UCHL5: variants seen among roughly 807,000 people sequenced by gnomAD.
UCHL5 encodes ubiquitin C-terminal hydrolase L5.
Under a neutral mutation model 53.8 loss-of-function variants are expected in UCHL5, and 34 were observed. The ratio of observed to expected loss-of-function variants is 0.63; its 90% confidence interval spans 0.48 to 0.84. The LOEUF is 0.84. UCHL5 is among the 40% of genes least tolerant of loss of function. The pLI, the probability that UCHL5 is intolerant of heterozygous loss-of-function variation, is 0.00. For synonymous variants in UCHL5, 111 were observed against 126.3 expected (o/e 0.88, Z 0.81); for missense variants, 290 against 385.6 (o/e 0.75, Z 2.08).
intron 7 of UCHL5, among the ~76,000 whole-genome samples, chr1:193,026,664 G>A (rs1659358468): frequency 6.6e-6 from 1 of 151,132 alleles, no homozygotes; most frequent in East Asian, 1.9e-4. Context: ...AAATGGTACA[G>A]TCACTCTGGA....
rs1213401479 is a variant in UCHL5 at position 193,014,555 on chromosome 1, C to T, written c.*1796G>A. 6.6e-6 allele frequency: 1 copy of T among 152,048 alleles called. No homozygotes were observed. Among genetic ancestry groups the T allele is most frequent in the Non-Finnish European group, 1.5e-5 (1 of 67,972 alleles). The allele number at this position is 152,048 out of a possible 1,614,324, so 9.4% of individuals were successfully genotyped here. A position where few individuals can be genotyped will look rare whatever the true frequency, so the allele number is the denominator to read the frequency against. On this transcript the variant is annotated 3_prime_UTR_variant, in exon 11 of 11. Coordinates refer to ENST00000367454, the MANE Select transcript of UCHL5 (RefSeq NM_001199261.3). ...AAGTCACAAAAATATCATCTGTTTT[C>T]AGTTAAAAAGCTTCATACTTTTAAA...
At chr1:193,049,899 T>A (rs753365060) in intron 2 of UCHL5, 48 bp from the exon 3 acceptor site, 3 of 1,464,590 alleles carry the variant, frequency 2.0e-6, no homozygotes, top group Non-Finnish European at 2.8e-6. Flanking sequence ...GCTTCTTTCA[T>A]AATACATTGT....
intron 3 of UCHL5, among the ~76,000 whole-genome samples, chr1:193,047,204 A>G (rs1297920370): frequency 6.6e-6 from 1 of 152,204 alleles, no homozygotes; most frequent in Non-Finnish European, 1.5e-5. Flanking sequence ...TCTCTTGTTA[A>G]CCATTATATA....
chr1:193,026,881 CT>C (rs1659443300), intron 7 of UCHL5, among the ~76,000 whole-genome samples: 1 of 152,108 alleles, frequency 6.6e-6, no homozygotes, highest in Non-Finnish European at 1.5e-5. Context: ...AGGCAAAAAG[CT>C]GGTATATCCA....
In UCHL5 at chr1:193,012,893, A is replaced by G. The variant is rs1417261901; in HGVS notation, c.*3458T>C. Reference sequence around the variant, plus strand: ...AAAAGTTAATGTAATCAAGTCAAAAATAAAAAGTGCCCAGTATGCTAGAAG... The same window carrying G: ...AAAAGTTAATGTAATCAAGTCAAAAGTAAAAAGTGCCCAGTATGCTAGAAG... On this transcript the variant is annotated 3_prime_UTR_variant, in exon 11 of 11. Coordinates refer to ENST00000367454, the MANE Select transcript of UCHL5 (RefSeq NM_001199261.3). 6.6e-6 allele frequency: 1 copy of G among 152,234 alleles called. No individual in the cohort carries two copies. Among genetic ancestry groups the G allele is most frequent in the Non-Finnish European group, 1.5e-5 (1 of 68,044 alleles). 9.4% of individuals were successfully genotyped at this position (152,234 alleles called of 1,614,324 possible).
Position 193,056,910 on chromosome 1 carries a change from T to A in UCHL5, c.76+2275A>T, listed in dbSNP as rs911777860. On this transcript the variant is annotated intron_variant, in intron 1 of 10. Transcript: ENST00000367454. ...CAGGTTCTTCTGCTAATGAAGCCAA[T>A]TTATTAATAGCTGCTGATTTTTCAT... Among the ~76,000 whole-genome samples, 16 of 152,346 alleles carry A rather than the reference T, an allele frequency of 1.1e-4. 1 individual carries two copies. Among genetic ancestry groups the A allele is most frequent in the Admixed American group, 8.5e-4 (13 of 15,310 alleles).
chr1:193,045,585 C>T (rs1469161911), intron 3 of UCHL5, among the ~76,000 whole-genome samples: 1 of 152,206 alleles, frequency 6.6e-6, no homozygotes, highest in African/African-American at 2.4e-5. Context: ...ATGCCAGCAC[C>T]AGGCTTCCTA....
intron 10 of UCHL5, chr1:193,020,087 A>G: frequency 1.0e-6 from 1 of 985,004 alleles, no homozygotes. Context: ...GCATGAACAG[A>G]AAAACCTATA....
chr1:193,059,172 C>T lies in UCHL5; in HGVS notation c.76+13G>A. 3 of 1,599,706 alleles carry T rather than the reference C, an allele frequency of 1.9e-6. No individual in the cohort carries two copies. Among genetic ancestry groups the T allele is most frequent in the Non-Finnish European group, 2.6e-6 (3 of 1,172,644 alleles). ...CGTGACCCCAGGCCCAGGACGGTCC[C>T]CTTGGTTCTCACCGAATCCTTTAAT... is the stretch of plus-strand genomic sequence containing the variant. On this transcript the variant is annotated intron_variant, in intron 1 of 10. Transcript: ENST00000367454. This position sits in a 1 kb window ranked among gnomAD's most constrained non-coding sequence, Gnocchi z 4.9.
chr1:193,059,665 G>C (rs762160317), upstream of UCHL5: 3 of 1,376,660 alleles, frequency 2.2e-6, no homozygotes, highest in South Asian at 3.5e-5. This position sits in a 1 kb window ranked among gnomAD's most constrained non-coding sequence, Gnocchi z 4.9. Flanking sequence ...GGCTGTTGCT[G>C]TTGCTGTGGC....
chr1:193,051,865 T>A, intron 1 of UCHL5, 48 bp from the exon 2 acceptor site: 1 of 1,359,762 alleles, frequency 7.4e-7, no homozygotes, highest in Non-Finnish European at 1.0e-6. Flanking sequence ...ATTCATTTTT[T>A]CCTTCAACAT....
At chr1:193,054,762 T>C (rs1301165963) in intron 1 of UCHL5, among the ~76,000 whole-genome samples, 1 of 152,184 alleles carries the variant, frequency 6.6e-6, no homozygotes, top group African/African-American at 2.4e-5. Flanking sequence ...GAAGCAGTCA[T>C]AATAGACCTT....
chr1:193,049,638 G>C (rs941262243), intron 3 of UCHL5, 108 bp downstream of exon 3: 2 of 724,988 alleles, frequency 2.8e-6, no homozygotes, highest in African/African-American at 1.8e-5. Flanking sequence ...ATTTTTAAGA[G>C]TGTAAGAGTT....
intron 1 of UCHL5, 107 bp from the exon 2 acceptor site, chr1:193,051,924 G>T: frequency 2.7e-6 from 2 of 753,062 alleles, no homozygotes; most frequent in East Asian, 2.7e-5. Context: ...AAAACAAAAT[G>T]GTAAAACTAA....
Position 193,059,097 on chromosome 1 carries a change from G to C in UCHL5, c.76+88C>G. 7.3e-7 allele frequency: 1 copy of C among 1,365,610 alleles called. No homozygotes were observed. The highest frequency in any genetic ancestry group is 9.7e-7 in the Non-Finnish European group (1 of 1,025,874). The allele number at this position is 1,365,610 out of a possible 1,614,324, so 84.6% of individuals were successfully genotyped here. On this transcript the variant is annotated intron_variant, in intron 1 of 10. Transcript: ENST00000367454. This position sits in a 1 kb window ranked among gnomAD's most constrained non-coding sequence, Gnocchi z 4.9. ...CCTGAAGTCACCTCTCCAGACGCGG[G>C]GCGGCGGTGGCCGCAGGGAACCACT...
At chr1:193,022,761 G>A (rs906133437) in intron 9 of UCHL5, among the ~76,000 whole-genome samples, 165 bp downstream of exon 9, 1 of 139,660 alleles carries the variant, frequency 7.2e-6, no homozygotes, top group African/African-American at 2.7e-5. Context: ...AAATAAAAAT[G>A]AAAGACATCT....
In UCHL5 at chr1:193,043,398, T is replaced by C. The variant is rs540629164; in HGVS notation, c.246+6348A>G. On this transcript the variant is annotated intron_variant, in intron 3 of 10. Transcript: ENST00000367454. ...GGAATGATCCTGAACCTCTCTCCCCTAGTTAATACCTACTTAACCTTTAGA... is the reference window on the plus strand; with the variant it reads ...GGAATGATCCTGAACCTCTCTCCCCCAGTTAATACCTACTTAACCTTTAGA... Among the ~76,000 whole-genome samples, 37 of 152,276 alleles carry C rather than the reference T, an allele frequency of 2.4e-4. No individual in the cohort carries two copies. In the South Asian group the frequency reaches 7.7e-3, roughly 32 times the overall value.
Position 193,014,996 on chromosome 1 carries a change from A to G in UCHL5, c.*1355T>C, listed in dbSNP as rs1419417434. ...AAAATTATATCATGGCTTTGAAAAC[A>G]CTCCATAATTATTACTGTATCAACA... On this transcript the variant is annotated 3_prime_UTR_variant, in exon 11 of 11. Coordinates refer to ENST00000367454, the MANE Select transcript of UCHL5 (RefSeq NM_001199261.3). The G allele has an allele frequency of 6.6e-6, 1 of 152,100 alleles. No homozygotes were observed. Among genetic ancestry groups the G allele is most frequent in the East Asian group, 1.9e-4 (1 of 5,200 alleles). The allele number at this position is 152,100 out of a possible 1,614,324, so 9.4% of individuals were successfully genotyped here.
intron 3 of UCHL5, among the ~76,000 whole-genome samples, chr1:193,032,934 G>GT (rs1338689282): frequency 6.6e-6 from 1 of 152,184 alleles, no homozygotes; most frequent in African/African-American, 2.4e-5. Flanking sequence ...TGGTGGGAGT[G>GT]TAAATTTGTT....
Sources: gnomAD v4.1 joint callset for allele counts (sites outside exome capture counted in the v4.1 genomes callset) on GRCh38, gnomAD v4.1.1 for gene constraint, Gnocchi (gnomAD v3.1) non-coding constraint, MANE v1.5 for transcripts, NCBI Gene and HGNC (gene_info 2026-07-23, HGNC 2026-07-21) for gene names.